Variants in DAAM1 observed in about 807,000 individuals in gnomAD.
DAAM1 encodes disheveled-associated activator of morphogenesis 1.
Under a neutral mutation model 130.0 loss-of-function variants are expected in DAAM1, and 52 were observed. That is an observed-to-expected ratio of 0.40 (90% CI 0.32 to 0.50). DAAM1 has a LOEUF of 0.50. Ranked by LOEUF, DAAM1 falls within the 20% of genes least tolerant of loss-of-function variation. The probability of loss-of-function intolerance (pLI) is 0.61; values close to 1 mark genes in which losing one functional copy is unlikely to be tolerated. For synonymous variants in DAAM1, 452 were observed against 444.5 expected, an observed-to-expected ratio of 1.02 and a Z score of -0.21; for missense variants, 1,134 against 1,303.8, an observed-to-expected ratio of 0.87 and a Z score of 2.01.
At chr14:59,286,930 C>G (rs551584386) in intron 2 of DAAM1, among the ~76,000 whole-genome samples, 1 of 152,222 alleles carries the variant, frequency 6.6e-6, no homozygotes, top group South Asian at 2.1e-4. Context: ...CTCCCTAACT[C>G]TCTAAAACCA....
At chr14:59,348,802 C>A (rs1382810952) in intron 17 of DAAM1, among the ~76,000 whole-genome samples, 1 of 152,176 alleles carries the variant, frequency 6.6e-6, no homozygotes, top group Admixed American at 6.5e-5. Context: ...AGACACCATG[C>A]AGGGAGGAAT....
At chr14:59,208,678 C>G (rs1404599673) in intron 1 of DAAM1, among the ~76,000 whole-genome samples, 2 of 152,122 alleles carry the variant, frequency 1.3e-5, no homozygotes, top group Non-Finnish European at 2.9e-5. Flanking sequence ...GCATCAATAT[C>G]ATTTGGATGT....
intron 2 of DAAM1, among the ~76,000 whole-genome samples, chr14:59,289,351 A>T (rs1208950324): frequency 6.6e-6 from 1 of 152,160 alleles, no homozygotes; most frequent in African/African-American, 2.4e-5. Flanking sequence ...TTACAGTTTG[A>T]CATGAGATTT....
At position 59,298,284 on chromosome 14, in the gene DAAM1, C is replaced by T. The variant is rs189243676; in HGVS notation, c.273+6978C>T. On this transcript the variant is annotated intron_variant, in intron 3 of 24. Transcript: ENST00000360909. ...GAAAAAATAAATATTTAAAATGCAG[C>T]CAGTGCTTGTGTTGTCAAGACAATG... is the stretch of plus-strand genomic sequence containing the variant. Among the ~76,000 whole-genome samples, 468 of 152,298 alleles carry T rather than the reference C, an allele frequency of 3.1e-3. 3 individuals carry two copies. Among genetic ancestry groups the T allele is most frequent in the African/African-American group, 0.01 (425 of 41,564 alleles).
intron 1 of DAAM1, among the ~76,000 whole-genome samples, chr14:59,254,376 CT>C (rs1192786763): frequency 6.6e-6 from 1 of 152,138 alleles, no homozygotes; most frequent in Non-Finnish European, 1.5e-5. Context: ...TGAGGGAGAG[CT>C]TTGATGTGAC....
At chr14:59,252,064 A>T (rs1196545820) in intron 1 of DAAM1, among the ~76,000 whole-genome samples, 1 of 152,060 alleles carries the variant, frequency 6.6e-6, no homozygotes, top group Non-Finnish European at 1.5e-5. Context: ...TCAACTCAGG[A>T]CTCACCATAT....
intron 1 of DAAM1, among the ~76,000 whole-genome samples, chr14:59,239,150 A>C (rs1193416844): frequency 1.3e-5 from 2 of 152,254 alleles, no homozygotes; most frequent in African/African-American, 4.8e-5. Context: ...TGTGCACACA[A>C]AAGTACTTAG....
chr14:59,365,746 G>C (rs1049449154), intron 23 of DAAM1, among the ~76,000 whole-genome samples: 1 of 152,110 alleles, frequency 6.6e-6, no homozygotes, highest in East Asian at 1.9e-4. Context: ...CATAAACACA[G>C]CATGGTCTAA....
At chr14:59,190,075 T>C (rs1265307526) in intron 1 of DAAM1, among the ~76,000 whole-genome samples, 2 of 152,138 alleles carry the variant, frequency 1.3e-5, no homozygotes, top group Non-Finnish European at 2.9e-5. Context: ...CTGCCACTGC[T>C]GTTTCGATTC....
chr14:59,214,567 G>T (rs1034334214), intron 1 of DAAM1, among the ~76,000 whole-genome samples: 1 of 152,180 alleles, frequency 6.6e-6, no homozygotes, highest in African/African-American at 2.4e-5. Context: ...GGATCAACCA[G>T]TTCTGGACAT....
chr14:59,326,847 A>G (rs1419199764), intron 11 of DAAM1, 86 bp from the exon 12 acceptor site: 3 of 1,572,132 alleles, frequency 1.9e-6, no homozygotes, highest in African/African-American at 2.7e-5. Flanking sequence ...TCTCTGCAGT[A>G]GACTATTTTT....
intron 20 of DAAM1, among the ~76,000 whole-genome samples, chr14:59,358,764 A>G (rs952336731): frequency 1.1e-4 from 16 of 151,156 alleles, no homozygotes. Flanking sequence ...AATCACTTGA[A>G]CCCAGGAGGC....
intron 1 of DAAM1, among the ~76,000 whole-genome samples, chr14:59,204,939 C>T (rs766828724): frequency 3.9e-5 from 6 of 152,196 alleles, no homozygotes; most frequent in Non-Finnish European, 8.8e-5. Flanking sequence ...TTCACGACTT[C>T]CTCTGTCTTC....
intron 3 of DAAM1, among the ~76,000 whole-genome samples, chr14:59,303,042 C>T (rs61984462): frequency 0.063 from 9,631 of 152,218 alleles, 399 homozygotes; most frequent in Non-Finnish European, 0.093. Flanking sequence ...GGTAGGAGTC[C>T]GTGACTATCT....
At chr14:59,252,027 A>C (rs1356686205) in intron 1 of DAAM1, among the ~76,000 whole-genome samples, 1 of 152,198 alleles carries the variant, frequency 6.6e-6, no homozygotes, top group Non-Finnish European at 1.5e-5. Context: ...CTCAAGCTCT[A>C]ATTAACAGCT....
chr14:59,226,710 G>A (rs1888953786), intron 1 of DAAM1, among the ~76,000 whole-genome samples: 1 of 152,200 alleles, frequency 6.6e-6, no homozygotes, highest in South Asian at 2.1e-4. Context: ...CATGGGTTAA[G>A]CTGCCTTTTC....
intron 1 of DAAM1, among the ~76,000 whole-genome samples, chr14:59,204,847 C>A (rs182545014): frequency 1.3e-5 from 2 of 152,186 alleles, no homozygotes; most frequent in African/African-American, 2.4e-5. Flanking sequence ...GCCTGGCCAA[C>A]ATGGCAAAAA....
At chr14:59,260,864 C>T (rs1411718625) in intron 1 of DAAM1, among the ~76,000 whole-genome samples, 3 of 151,878 alleles carry the variant, frequency 2.0e-5, no homozygotes, top group Non-Finnish European at 2.9e-5. Context: ...AAGGCAAGAG[C>T]GAGAAGGAAT....
chr14:59,256,198 CAA>C (rs1881875537), intron 1 of DAAM1, among the ~76,000 whole-genome samples: 1 of 152,200 alleles, frequency 6.6e-6, no homozygotes, highest in South Asian at 2.1e-4. Context: ...TTGTGGAAAA[CAA>C]ACTTTACTTA....
Sources: allele counts gnomAD v4.1 joint callset (sites outside exome capture counted in the v4.1 genomes callset), GRCh38; gene constraint gnomAD v4.1.1; transcripts MANE v1.5; gene names NCBI Gene and HGNC (gene_info 2026-07-23, HGNC 2026-07-21).